Variants in CCDC88C observed in about 807,000 individuals in gnomAD.
The protein encoded by CCDC88C is protein Daple.
Under a neutral mutation model 198.8 loss-of-function variants are expected in CCDC88C, and 131 were observed. The observed-to-expected ratio is 0.66, with a 90% CI of 0.57 to 0.76. CCDC88C has a LOEUF of 0.76. Ranked by LOEUF, CCDC88C falls within the 30% of genes least tolerant of loss-of-function variation. CCDC88C has a pLI of 0.00. For synonymous variants in CCDC88C, 1,166 were observed against 1,114.7 expected (o/e 1.05, Z -0.92); for missense variants, 2,553 against 2,631.6 (o/e 0.97, Z 0.65).
At chr14:91,377,011 C>T (rs1473056751) in intron 3 of CCDC88C, among the ~76,000 whole-genome samples, 1 of 140,602 alleles carries the variant, frequency 7.1e-6, no homozygotes, top group Non-Finnish European at 1.5e-5. Flanking sequence ...CCCTAACCAA[C>T]TGCCACAAAG....
intron 3 of CCDC88C, among the ~76,000 whole-genome samples, chr14:91,399,030 C>T (rs1024394334): frequency 6.6e-5 from 10 of 152,168 alleles, no homozygotes; most frequent in Non-Finnish European, 1.5e-4. Flanking sequence ...TCTCTGCGGA[C>T]CACTCTCCCT....
Position 91,278,042 on chromosome 14 carries a change from G to T in CCDC88C, c.4938C>A (p.Ala1646=). ...PRNGPLPQEG[A]QKRGTAPPYV... is the part of the protein sequence containing the mutation. ...AGGGAGGGGCTGTGCCCCTCTTCTG[G>T]GCACCCTCCTGTGGGAGAGGCCCGT... The change falls in exon 29 of 30, where the codon GCC becomes GCA. Residue 1646 remains alanine (A), a synonymous_variant. Coordinates refer to ENST00000389857, the MANE Select transcript of CCDC88C (RefSeq NM_001080414.4). The T allele has an allele frequency of 1.2e-6, 2 of 1,607,764 alleles. No individual in the cohort carries two copies. Among genetic ancestry groups the T allele is most frequent in the South Asian group, 2.2e-5 (2 of 89,966 alleles).
intron 3 of CCDC88C, 146 bp from the exon 4 acceptor site, chr14:91,359,857 G>A: frequency 1.4e-6 from 1 of 699,248 alleles, no homozygotes; most frequent in Non-Finnish European, 2.6e-6. Flanking sequence ...ACAGCAAGGA[G>A]CACGTAAGAT....
In CCDC88C at chr14:91,287,122, A is replaced by G. The variant is rs145237717; in HGVS notation, c.4441+1983T>C. 2.2e-4 allele frequency among the ~76,000 whole-genome samples: 33 copies of G among 152,288 alleles called. No homozygotes were observed. In the East Asian group the frequency reaches 6.0e-3, roughly 28 times the overall value. ...AGACTGATTATAGTTAATTAATTCC[A>G]CTTAAAGAGTAATACAAGTTGAGAT... is the stretch of plus-strand genomic sequence containing the variant. On this transcript the variant is annotated intron_variant, in intron 25 of 29. Transcript: ENST00000389857.
chr14:91,317,204 C>G (rs1473826398), intron 13 of CCDC88C, among the ~76,000 whole-genome samples: 1 of 152,180 alleles, frequency 6.6e-6, no homozygotes, highest in Non-Finnish European at 1.5e-5. Flanking sequence ...CATGGAGGTG[C>G]CTTGAGTTAG....
At chr14:91,392,392 AGAGCAGGG>A (rs1885559025) in intron 3 of CCDC88C, among the ~76,000 whole-genome samples, 1 of 152,326 alleles carries the variant, frequency 6.6e-6, no homozygotes, top group South Asian at 2.1e-4. Context: ...TCAACCACCC[AGAGCAGGG>A]AAGGACACCT....
intron 5 of CCDC88C, among the ~76,000 whole-genome samples, chr14:91,342,713 G>A (rs1893361137): frequency 6.6e-6 from 1 of 152,192 alleles, no homozygotes; most frequent in Non-Finnish European, 1.5e-5. Flanking sequence ...CACCCAGATT[G>A]AAAAGACCAG....
rs369071126 is a variant in CCDC88C at position 91,283,420 on chromosome 14, C to T, written c.4539G>A (p.Ser1513=). The change falls in exon 26 of 30, where the codon TCG becomes TCA. Residue 1513 remains serine, a synonymous_variant. Coordinates refer to ENST00000389857, the MANE Select transcript of CCDC88C (RefSeq NM_001080414.4). ...STDLAMRSWP[S]ELGSRTCSTS... ...TTGAGCAAGTCCGGGAGCCCAGCTC[C>T]GAGGGCCAGGACCTCATGGCCAGAT... is the stretch of plus-strand genomic sequence containing the variant. The T allele has an allele frequency of 2.9e-5, 46 of 1,613,486 alleles. No homozygotes were observed. The African/African-American group carries it at 4.3e-4, about 15-fold the overall frequency.
At chr14:91,329,385 A>T (rs1892715490) in intron 10 of CCDC88C, among the ~76,000 whole-genome samples, 1 of 152,190 alleles carries the variant, frequency 6.6e-6, no homozygotes, top group African/African-American at 2.4e-5. Flanking sequence ...ACATTCCCTG[A>T]TTAAGTATGA....
chr14:91,358,505 C>T (rs1032951206), intron 4 of CCDC88C, among the ~76,000 whole-genome samples: 5 of 152,172 alleles, frequency 3.3e-5, no homozygotes, highest in African/African-American at 1.2e-4. Context: ...GTCCCTGGGG[C>T]CTGCGACTTC....
chr14:91,414,793 C>A (rs116948102), intron 2 of CCDC88C, among the ~76,000 whole-genome samples: 2 of 152,352 alleles, frequency 1.3e-5, no homozygotes, highest in African/African-American at 2.4e-5. Context: ...CCAGTTCCCA[C>A]TTCTGGAATG....
In CCDC88C at chr14:91,315,790, G is replaced by A; in HGVS notation, c.1528-3C>T. On this transcript the variant is annotated splice_polypyrimidine_tract_variant and splice_region_variant and intron_variant, in intron 13 of 29. Coordinates refer to ENST00000389857, the MANE Select transcript of CCDC88C (RefSeq NM_001080414.4). Reference sequence around the variant, plus strand: ...AGCTGGGTTTGTAACTTTTCAATCTGCAGAACCAAAAGACCCAGCCCAGTG... The same window carrying A: ...AGCTGGGTTTGTAACTTTTCAATCTACAGAACCAAAAGACCCAGCCCAGTG... The A allele has an allele frequency of 6.2e-7, 1 of 1,611,010 alleles. No individual in the cohort carries two copies. Among genetic ancestry groups the A allele is most frequent in the Non-Finnish European group, 8.5e-7 (1 of 1,178,388 alleles).
At position 91,271,859 on chromosome 14, in the gene CCDC88C, T is replaced by G. The variant is rs1197544002; in HGVS notation, c.*766A>C. On this transcript the variant is annotated 3_prime_UTR_variant, in exon 30 of 30. Coordinates refer to ENST00000389857, the MANE Select transcript of CCDC88C (RefSeq NM_001080414.4). Reference sequence around the variant, plus strand: ...GGAGGGGGCTGGATGGGGGCCTCTTTCCTGCCCCCCAATCCCCAGGCCTGG... The same window carrying G: ...GGAGGGGGCTGGATGGGGGCCTCTTGCCTGCCCCCCAATCCCCAGGCCTGG... 1 of 152,760 alleles carries G rather than the reference T, an allele frequency of 6.5e-6. No homozygotes were observed. The highest frequency in any genetic ancestry group is 1.9e-4 in the East Asian group (1 of 5,196). The allele number at this position is 152,760 out of a possible 1,614,324, so 9.5% of individuals were successfully genotyped here.
At chr14:91,407,079 G>A (rs1377014421) in intron 3 of CCDC88C, among the ~76,000 whole-genome samples, 3 of 150,832 alleles carry the variant, frequency 2.0e-5, no homozygotes, top group East Asian at 1.9e-4. Context: ...GGCAAACTAC[G>A]CCAGCCCCCC....
chr14:91,318,788 C>A (rs1892218517), intron 13 of CCDC88C, among the ~76,000 whole-genome samples: 1 of 152,096 alleles, frequency 6.6e-6, no homozygotes, highest in African/African-American at 2.4e-5. Flanking sequence ...CATGGTGGCA[C>A]ATGCCTGTAA....
intron 16 of CCDC88C, 41 bp downstream of exon 16, chr14:91,309,818 G>A: frequency 1.3e-6 from 2 of 1,585,878 alleles, no homozygotes; most frequent in Non-Finnish European, 1.7e-6. Flanking sequence ...AACAGTGGAG[G>A]AAGTGCTCCC....
chr14:91,380,987 A>C (rs778086988), intron 3 of CCDC88C, among the ~76,000 whole-genome samples: 1 of 152,250 alleles, frequency 6.6e-6, no homozygotes, highest in South Asian at 2.1e-4. Context: ...GAAAAATTTA[A>C]GTAACTCTTC....
intron 4 of CCDC88C, among the ~76,000 whole-genome samples, chr14:91,355,353 C>T (rs1425657101): frequency 6.6e-6 from 1 of 152,214 alleles, no homozygotes; most frequent in Non-Finnish European, 1.5e-5. Context: ...AGCCTGCACA[C>T]CGCCTCACTA....
At chr14:91,298,019 C>T (rs1891091154) in intron 21 of CCDC88C, among the ~76,000 whole-genome samples, 1 of 152,226 alleles carries the variant, frequency 6.6e-6, no homozygotes, top group African/African-American at 2.4e-5. Context: ...ATCATCAAAA[C>T]AACTATTATC....
Sources: gnomAD v4.1 joint callset for allele counts (sites outside exome capture counted in the v4.1 genomes callset) on GRCh38, gnomAD v4.1.1 for gene constraint, MANE v1.5 for transcripts, NCBI Gene and HGNC (gene_info 2026-07-23, HGNC 2026-07-21) for gene names.